FRYL: variants seen among roughly 807,000 people sequenced by gnomAD.
FRYL encodes FRY like transcription coactivator, also known as protein furry homolog-like.
A neutral mutation model predicts 351.2 loss-of-function variants in FRYL; 150 were observed. The ratio of observed to expected loss-of-function variants is 0.43; its 90% CI spans 0.37 to 0.49. The LOEUF (loss-of-function observed/expected upper bound fraction) is 0.49. FRYL is among the 20% of genes least tolerant of loss of function. The pLI is 0.00. For missense variants in FRYL, 3,036 were observed against 3,619.3 expected (o/e 0.84, Z 4.13); for synonymous variants, 1,153 against 1,257.1 (o/e 0.92, Z 1.75).
At chr4:48,702,388 G>A (rs1217867238) in intron 2 of FRYL, among the ~76,000 whole-genome samples, 7 of 146,694 alleles carry the variant, frequency 4.8e-5, no homozygotes, top group South Asian at 4.3e-4. Context: ...CCCTAGAGGC[G>A]GAGGTTGCAG....
intron 46 of FRYL, 45 bp downstream of exon 46, chr4:48,540,308 T>C (rs1481118133): frequency 1.9e-6 from 3 of 1,564,472 alleles, no homozygotes; most frequent in Non-Finnish European, 1.7e-6. Context: ...GTTTACATTT[T>C]ACTGCATAAA....
intron 1 of FRYL, among the ~76,000 whole-genome samples, chr4:48,759,199 G>A (rs994387823): frequency 6.6e-6 from 1 of 152,008 alleles, no homozygotes; most frequent in Non-Finnish European, 1.5e-5. Flanking sequence ...CCCGCGTATT[G>A]TGCACATGTA....
At chr4:48,720,536 A>C (rs910239309) in intron 1 of FRYL, among the ~76,000 whole-genome samples, 3 of 152,100 alleles carry the variant, frequency 2.0e-5, no homozygotes, top group African/African-American at 7.2e-5. Context: ...TTAAAATTTA[A>C]AAAAGGTGTA....
chr4:48,573,789 G>T (rs965967106), intron 25 of FRYL, among the ~76,000 whole-genome samples: 1 of 152,140 alleles, frequency 6.6e-6, no homozygotes, highest in Non-Finnish European at 1.5e-5. Flanking sequence ...GACCTCAGGC[G>T]ATTTGCCCGC....
chr4:48,671,858 CAAA>C (rs1226492542), intron 3 of FRYL, among the ~76,000 whole-genome samples: 221 of 22,406 alleles, frequency 9.9e-3, no homozygotes, highest in African/African-American at 0.027. Flanking sequence ...GTCTCAAAAA[CAAA>C]AAAAAAAAAA....
chr4:48,736,419 G>A (rs559234222), intron 1 of FRYL, among the ~76,000 whole-genome samples: 1 of 152,150 alleles, frequency 6.6e-6, no homozygotes, highest in South Asian at 2.1e-4. Flanking sequence ...CTAGTTATTT[G>A]AGAAGATCAA....
chr4:48,751,580 A>G (rs1175131897), intron 1 of FRYL, among the ~76,000 whole-genome samples: 1 of 152,222 alleles, frequency 6.6e-6, no homozygotes, highest in Non-Finnish European at 1.5e-5. Flanking sequence ...GAGTAAAATG[A>G]AAAAGAAGTC....
At chr4:48,581,005 G>T in intron 21 of FRYL, 54 bp from the exon 22 acceptor site, 3 of 1,109,952 alleles carry the variant, frequency 2.7e-6, no homozygotes, top group Non-Finnish European at 3.9e-6. Context: ...AAGCAAAGTA[G>T]CCAAACCCAA....
chr4:48,693,828 C>A (rs896472921), intron 2 of FRYL, among the ~76,000 whole-genome samples: 1 of 152,120 alleles, frequency 6.6e-6, no homozygotes, highest in Non-Finnish European at 1.5e-5. Context: ...TACAAGAATA[C>A]AATTAGGCCT....
chr4:48,515,624 G>A (rs1295589935), intron 55 of FRYL, among the ~76,000 whole-genome samples: 2 of 151,956 alleles, frequency 1.3e-5, no homozygotes, highest in Non-Finnish European at 2.9e-5. Flanking sequence ...TGCCCGCCTT[G>A]GCCTCCCAAA....
chr4:48,691,497 C>T (rs538338798), intron 2 of FRYL, among the ~76,000 whole-genome samples: 313 of 152,208 alleles, frequency 2.1e-3, no homozygotes, highest in Non-Finnish European at 3.6e-3. Context: ...GAAGGATACA[C>T]TCAAATTGTC....
At chr4:48,599,964 G>A (rs1258159676) in intron 13 of FRYL, among the ~76,000 whole-genome samples, 2 of 151,882 alleles carry the variant, frequency 1.3e-5, no homozygotes, top group Non-Finnish European at 2.9e-5. Flanking sequence ...AAAATCAGCC[G>A]GCGGTGGTGG....
chr4:48,607,126 T>C (rs1747011248), intron 9 of FRYL, among the ~76,000 whole-genome samples: 1 of 152,218 alleles, frequency 6.6e-6, no homozygotes, highest in South Asian at 2.1e-4. Flanking sequence ...TCATCCTGGA[T>C]TCAAATCACA....
At chr4:48,562,455 C>T (rs934006519) in intron 32 of FRYL, among the ~76,000 whole-genome samples, 5 of 152,104 alleles carry the variant, frequency 3.3e-5, no homozygotes, top group East Asian at 1.9e-4. Context: ...ACAATATATC[C>T]GTGTTTGGTA....
chr4:48,656,885 T>G (rs1332866704), intron 3 of FRYL, among the ~76,000 whole-genome samples: 1 of 152,120 alleles, frequency 6.6e-6, no homozygotes, highest in Non-Finnish European at 1.5e-5. Flanking sequence ...CCCATTTATA[T>G]GTAGACTAAC....
chr4:48,683,096 A>T (rs1376035119), intron 3 of FRYL, among the ~76,000 whole-genome samples: 1 of 152,238 alleles, frequency 6.6e-6, no homozygotes, highest in Non-Finnish European at 1.5e-5. Flanking sequence ...GCCATAAAAA[A>T]GAATGAGTTC....
intron 4 of FRYL, among the ~76,000 whole-genome samples, chr4:48,629,596 G>A (rs1368583488): frequency 6.6e-6 from 1 of 152,192 alleles, no homozygotes; most frequent in East Asian, 1.9e-4. Context: ...AGTCTAATTA[G>A]AGAGTAAAGA....
chr4:48,547,670 G>A lies in FRYL; in HGVS notation c.4988C>T (p.Ala1663Val). The change falls in exon 41 of 64, where the codon GCT becomes GTT. Residue 1663 changes from alanine (A) to valine (V), a missense_variant. Ala to Val is a moderately conservative substitution (Grantham distance 64). This residue lies in a region of FRYL where 1,987 missense variants were observed against 2,311.7 expected (regional missense o/e 0.86). Transcript: ENST00000358350. Reference protein sequence around the residue: ...MGPNSNIRTVASVLLRNKEFN... With the variant: ...MGPNSNIRTVVSVLLRNKEFN... ...CTCCTTGTTCCTGAGAAGGACAGAA[G>A]CAACAGTTCGGATGTTACTATTGGG... 1 of 1,608,370 alleles carries A rather than the reference G, an allele frequency of 6.2e-7. No individual in the cohort carries two copies. Among genetic ancestry groups the A allele is most frequent in the Non-Finnish European group, 8.5e-7 (1 of 1,176,004 alleles).
chr4:48,729,245 G>A (rs1342253811), intron 1 of FRYL, among the ~76,000 whole-genome samples: 1 of 152,222 alleles, frequency 6.6e-6, no homozygotes, highest in Non-Finnish European at 1.5e-5. Flanking sequence ...GCTCCAACTG[G>A]GCGGAGCCCA....
Sources: gnomAD v4.1 joint callset for allele counts (sites outside exome capture counted in the v4.1 genomes callset) on GRCh38, gnomAD v4.1.1 for gene constraint, gnomAD v4.1.1 regional missense constraint, MANE v1.5 for transcripts, NCBI Gene and HGNC (gene_info 2026-07-23, HGNC 2026-07-21) for gene names.